Variants in TRIO observed in about 807,000 individuals in gnomAD.
The protein encoded by TRIO is trio Rho guanine nucleotide exchange factor.
Under a neutral mutation model 351.9 loss-of-function variants are expected in TRIO, and 58 were observed. The ratio of observed to expected loss-of-function variants is 0.16; its 90% CI spans 0.13 to 0.21. The LOEUF (loss-of-function observed/expected upper bound fraction) is 0.21. TRIO is among the 10% of genes least tolerant of loss of function. The probability of loss-of-function intolerance (pLI) is 1.00; values close to 1 mark genes in which losing one functional copy is unlikely to be tolerated. For synonymous variants in TRIO, 1,758 were observed against 1,595.7 expected (o/e 1.10, Z -2.42); for missense variants, 3,201 against 4,027.8 (o/e 0.79, Z 5.56).
intron 34 of TRIO, among the ~76,000 whole-genome samples, chr5:14,445,248 G>A (rs1390890870): frequency 6.6e-6 from 1 of 152,134 alleles, no homozygotes; most frequent in Non-Finnish European, 1.5e-5. Flanking sequence ...TGGCAGTGGG[G>A]GCTGGGCAGC....
intron 1 of TRIO, among the ~76,000 whole-genome samples, chr5:14,192,132 T>C (rs1790495665): frequency 6.6e-6 from 1 of 152,184 alleles, no homozygotes; most frequent in South Asian, 2.1e-4. Context: ...ACAGATTGCA[T>C]TGAGCCATAT....
At chr5:14,340,641 A>G (rs1351265062) in intron 11 of TRIO, among the ~76,000 whole-genome samples, 1 of 152,144 alleles carries the variant, frequency 6.6e-6, no homozygotes, top group East Asian at 1.9e-4. Context: ...CTCACTTTAA[A>G]AAGGTGCAAA....
intron 34 of TRIO, among the ~76,000 whole-genome samples, chr5:14,455,134 T>C (rs1753176051): frequency 6.6e-6 from 1 of 152,160 alleles, no homozygotes; most frequent in Admixed American, 6.5e-5. Flanking sequence ...CAAGATTTAT[T>C]GCAAAGATAA....
intron 34 of TRIO, among the ~76,000 whole-genome samples, chr5:14,434,953 T>TGA (rs1346718027): frequency 6.6e-6 from 1 of 152,222 alleles, no homozygotes; most frequent in African/African-American, 2.4e-5. Flanking sequence ...TGTTTTCTCT[T>TGA]AAATTTAGCT....
chr5:14,337,727 C>G (rs1741555691), intron 11 of TRIO, among the ~76,000 whole-genome samples: 4 of 152,216 alleles, frequency 2.6e-5, no homozygotes. Flanking sequence ...AGATCTTGGA[C>G]AGTTAGTCCT....
At chr5:14,250,772 A>T (rs753272291) in intron 1 of TRIO, among the ~76,000 whole-genome samples, 1 of 152,144 alleles carries the variant, frequency 6.6e-6, no homozygotes, top group Non-Finnish European at 1.5e-5. Flanking sequence ...CGTGGTCACC[A>T]TTGCATCCTG....
At chr5:14,255,979 G>A (rs1561257870) in intron 1 of TRIO, among the ~76,000 whole-genome samples, 1 of 152,324 alleles carries the variant, frequency 6.6e-6, no homozygotes, top group East Asian at 1.9e-4. Context: ...TGGCAAAACT[G>A]TAAAGAAAAA....
chr5:14,463,064 G>A (rs1467396249), intron 36 of TRIO, 139 bp downstream of exon 36: 2 of 1,156,894 alleles, frequency 1.7e-6, no homozygotes, highest in East Asian at 6.1e-5. Flanking sequence ...GCTCTTTCAG[G>A]CAGCGTCAGC....
Position 14,485,230 on chromosome 5 carries a change from G to T in TRIO, c.6819G>T (p.Gln2273His). The T allele has an allele frequency of 6.3e-7, 1 of 1,578,114 alleles. No individual in the cohort carries two copies. Among genetic ancestry groups the T allele is most frequent in the South Asian group, 1.1e-5 (1 of 87,530 alleles). ...AAATCAACCAAATTTTAGAAAACCA[G>T]CGCAATTTTTTAAATGGTAATGTGT... ...IHEINQILEN[Q>H]RNFLNALTSP... is the part of the protein sequence containing the mutation. Residue 2273 changes from glutamine to histidine, a missense_variant, in exon 47 of 57, where the codon CAG (glutamine) becomes CAT (histidine). Physicochemically the swap from Gln to His is conservative, Grantham distance 24. Transcript: ENST00000344204.
chr5:14,482,431 C>T (rs911256188), intron 45 of TRIO, 151 bp from the exon 46 acceptor site: 2 of 559,278 alleles, frequency 3.6e-6, no homozygotes, highest in Non-Finnish European at 5.6e-6. Context: ...GAGCCAAGAA[C>T]AGTAAAAGAA....
chr5:14,505,051 C>T (rs1757566413), intron 55 of TRIO, among the ~76,000 whole-genome samples: 1 of 152,240 alleles, frequency 6.6e-6, no homozygotes, highest in African/African-American at 2.4e-5. Context: ...GTAAGACGCA[C>T]CTCCCCGCAG....
chr5:14,306,922 A>C (rs1738424101), intron 8 of TRIO, among the ~76,000 whole-genome samples: 1 of 152,166 alleles, frequency 6.6e-6, no homozygotes, highest in African/African-American at 2.4e-5. Context: ...ATCTCAAAAT[A>C]ATTTGATAGG....
chr5:14,359,556 G>C (rs200438805), intron 13 of TRIO, 25 bp downstream of exon 13: 2 of 1,607,660 alleles, frequency 1.2e-6, no homozygotes, highest in Non-Finnish European at 1.7e-6. Context: ...GCTGGCGCCT[G>C]CCTGCCTGTG....
In TRIO at chr5:14,504,565, C is replaced by T. The variant is rs1317550916; in HGVS notation, c.8584C>T (p.Pro2862Ser). 8.1e-6 allele frequency: 13 copies of T among 1,614,006 alleles called. No individual in the cohort carries two copies. Among genetic ancestry groups the T allele is most frequent in the Admixed American group, 1.7e-5 (1 of 60,000 alleles). ...LVGLLDTFETPTSYILVLEMA... is the reference protein window; with the variant it reads ...LVGLLDTFETSTSYILVLEMA... ...CGGCCTCCTCGACACCTTTGAGACC[C>T]CCACCAGCTACATCCTGGTCTTAGA... The change falls in exon 55 of 57, where the codon CCC becomes TCC. Residue 2862 changes from proline to serine, a missense_variant. Transcript: ENST00000344204.
intron 13 of TRIO, among the ~76,000 whole-genome samples, chr5:14,361,642 T>C (rs1744161167): frequency 6.6e-6 from 1 of 152,200 alleles, no homozygotes; most frequent in African/African-American, 2.4e-5. Context: ...AAGTCCCTCA[T>C]ATCTCTTGTG....
intron 12 of TRIO, among the ~76,000 whole-genome samples, chr5:14,358,644 C>T (rs1174648390): frequency 4.6e-5 from 7 of 152,204 alleles, no homozygotes; most frequent in Admixed American, 3.9e-4. Flanking sequence ...TAATTATTGA[C>T]ACTTCTTTAT....
Position 14,478,401 on chromosome 5 carries a change from G to A in TRIO, c.6154-860G>A, listed in dbSNP as rs1747015663. ...AGCACAGATGTCAGCACAACAAAAAGGACAACTGACATCTTAGTGGTATTT... is the reference window on the plus strand; with the variant it reads ...AGCACAGATGTCAGCACAACAAAAAAGACAACTGACATCTTAGTGGTATTT... On this transcript the variant is annotated intron_variant, in intron 41 of 56. Transcript: ENST00000344204. Among the ~76,000 whole-genome samples the A allele has an allele frequency of 5.3e-5, 8 of 152,170 alleles. 1 individual carries two copies. In the South Asian group the frequency reaches 1.7e-3, roughly 32 times the overall value.
intron 1 of TRIO, among the ~76,000 whole-genome samples, chr5:14,201,712 T>C (rs982763180): frequency 1.3e-5 from 2 of 152,186 alleles, no homozygotes; most frequent in African/African-American, 2.4e-5. Context: ...TTGTTAACTC[T>C]GAATAAATTG....
intron 1 of TRIO, among the ~76,000 whole-genome samples, chr5:14,260,675 T>TA (rs1194020814): frequency 1.3e-5 from 2 of 152,244 alleles, no homozygotes; most frequent in African/African-American, 4.8e-5. Context: ...GCATTTACTT[T>TA]ATATTCTATA....
Sources: gnomAD v4.1 joint callset for allele counts (sites outside exome capture counted in the v4.1 genomes callset) on GRCh38, gnomAD v4.1.1 for gene constraint, MANE v1.5 for transcripts, NCBI Gene and HGNC (gene_info 2026-07-23, HGNC 2026-07-21) for gene names.